Variants in ATP2A2 observed in about 807,000 individuals in gnomAD.
ATP2A2 encodes ATPase sarcoplasmic/endoplasmic reticulum Ca2+ transporting 2.
Under a neutral mutation model 109.3 loss-of-function variants are expected in ATP2A2, and 14 were observed. That is an observed-to-expected ratio of 0.13 (90% CI 0.08 to 0.20). The LOEUF (loss-of-function observed/expected upper bound fraction) is 0.20, where lower values mean the gene tolerates loss of function less well. Among genes scored for constraint, ATP2A2 ranks in the 10% least tolerant of loss-of-function variants. The probability of loss-of-function intolerance (pLI) is 1.00; values close to 1 mark genes in which losing one functional copy is unlikely to be tolerated. For synonymous variants in ATP2A2, 506 were observed against 490.9 expected (o/e 1.03, Z -0.41); for missense variants, 657 against 1,321.6 (o/e 0.50, Z 7.80).
At chr12:110,336,292 A>G (rs1878837632) in intron 11 of ATP2A2, among the ~76,000 whole-genome samples, 1 of 152,170 alleles carries the variant, frequency 6.6e-6, no homozygotes, top group Non-Finnish European at 1.5e-5. Context: ...CTGGGGGAGG[A>G]GAGAGGTAAA....
At chr12:110,298,545 C>G (rs1169570136) in intron 5 of ATP2A2, among the ~76,000 whole-genome samples, 1 of 152,126 alleles carries the variant, frequency 6.6e-6, no homozygotes, top group African/African-American at 2.4e-5. Flanking sequence ...TGGTGAAACC[C>G]TGTCTCTACT....
At chr12:110,341,097 AT>A in intron 14 of ATP2A2, 103 bp downstream of exon 14, 1 of 1,219,328 alleles carries the variant, frequency 8.2e-7, no homozygotes, top group Non-Finnish European at 1.2e-6. Flanking sequence ...CTAATTTGGA[AT>A]TTGTCATGAT....
chr12:110,341,071 T>C (rs1326863986), intron 14 of ATP2A2, 77 bp downstream of exon 14: 1 of 1,503,360 alleles, frequency 6.7e-7, no homozygotes, highest in Non-Finnish European at 9.1e-7. Context: ...CCACTGAATT[T>C]TTTTGTCATA....
chr12:110,327,773 A>G lies in ATP2A2; in HGVS notation c.851A>G (p.His284Arg), dbSNP rs1877949742. 3 of 1,614,154 alleles carry G rather than the reference A, an allele frequency of 1.9e-6. No individual in the cohort carries two copies. Among genetic ancestry groups the G allele is most frequent in the South Asian group, 1.1e-5 (1 of 91,080 alleles). The change falls in exon 8 of 20, where the codon CAT becomes CGT. Residue 284 changes from histidine to arginine, a missense_variant. This residue lies in a region of ATP2A2 where 136 missense variants were observed against 343.9 expected (regional missense o/e 0.40). Coordinates refer to ENST00000539276, the MANE Select transcript of ATP2A2 (RefSeq NM_170665.4). The surrounding 1 kb of genome is among the most constrained non-coding windows in gnomAD (Gnocchi z 4.4). ...ATTGGGCACTTCAATGACCCGGTTC[A>G]TGGAGGGTCCTGGATCAGAGGTGCT... ...INIGHFNDPV[H>R]GGSWIRGAIY...
chr12:110,346,734 A>G lies in ATP2A2; in HGVS notation c.*264A>G. 7.5e-7 allele frequency: 1 copy of G among 1,333,588 alleles called. No individual in the cohort carries two copies. The highest frequency in any genetic ancestry group is 9.6e-7 in the Non-Finnish European group (1 of 1,038,772). The allele number at this position is 1,333,588 out of a possible 1,614,324, so 82.6% of individuals were successfully genotyped here. A position where few individuals can be genotyped will look rare whatever the true frequency, so the allele number is the denominator to read the frequency against. On this transcript the variant is annotated 3_prime_UTR_variant, in exon 20 of 20. Coordinates refer to ENST00000539276, the MANE Select transcript of ATP2A2 (RefSeq NM_170665.4). ...TTTTTTTGTAGATGAAAAAGCATGTACAGTGTTCTGTTTAATACTCATCCT... is the reference window on the plus strand; with the variant it reads ...TTTTTTTGTAGATGAAAAAGCATGTGCAGTGTTCTGTTTAATACTCATCCT...
At chr12:110,344,853 C>A (rs1023055289) in intron 16 of ATP2A2, 33 bp from the exon 17 acceptor site, 1 of 1,609,912 alleles carries the variant, frequency 6.2e-7, no homozygotes, top group Admixed American at 1.7e-5. Context: ...CCTGCAGAGG[C>A]AAGTGCATCA....
At chr12:110,309,413 C>T (rs1875759086) in intron 5 of ATP2A2, among the ~76,000 whole-genome samples, 1 of 151,892 alleles carries the variant, frequency 6.6e-6, no homozygotes, top group Admixed American at 6.6e-5. Flanking sequence ...CCGCCTCAGC[C>T]TCCCAAAGTG....
Position 110,349,867 on chromosome 12 carries a change from G to A in ATP2A2, c.*3397G>A. 9.5e-7 allele frequency: 1 copy of A among 1,054,638 alleles called. No individual in the cohort carries two copies. Among genetic ancestry groups the A allele is most frequent in the South Asian group, 3.4e-5 (1 of 29,236 alleles). The allele number at this position is 1,054,638 out of a possible 1,614,324, so 65.3% of individuals were successfully genotyped here. On this transcript the variant is annotated 3_prime_UTR_variant, in exon 20 of 20. Coordinates refer to ENST00000539276, the MANE Select transcript of ATP2A2 (RefSeq NM_170665.4). ...TCCTCTCCAGGGCTAGGCAAGGCAG[G>A]CGAGCAGCCAGAAGCCGGGTGCCCA... is the stretch of plus-strand genomic sequence containing the variant.
rs772775565 is a variant in ATP2A2, at chr12:110,350,241, G to A, written c.*3771G>A. ...CATCTATTTAAATAGGTATTCTAAC[G>A]TTTCCTCTCTGTATTTCATGAAGCT... On this transcript the variant is annotated 3_prime_UTR_variant, in exon 20 of 20. Coordinates refer to ENST00000539276, the MANE Select transcript of ATP2A2 (RefSeq NM_170665.4). 35 of 1,613,942 alleles carry A rather than the reference G, an allele frequency of 2.2e-5. No individual in the cohort carries two copies. The highest frequency in any genetic ancestry group is 1.6e-4 in the Middle Eastern group (1 of 6,082).
chr12:110,327,711 C>A lies in ATP2A2; in HGVS notation c.789C>A (p.Val263=). ...AATTTGGGGAACAGCTTTCCAAAGTCATCTCCCTTATTTGCATTGCAGTCT... is the reference window on the plus strand; with the variant it reads ...AATTTGGGGAACAGCTTTCCAAAGTAATCTCCCTTATTTGCATTGCAGTCT... ...LDEFGEQLSK[V]ISLICIAVWI... Residue 263 remains valine (V), a synonymous_variant, in exon 8 of 20, where the codon GTC becomes GTA. Coordinates refer to ENST00000539276, the MANE Select transcript of ATP2A2 (RefSeq NM_170665.4). This position sits in a 1 kb window ranked among gnomAD's most constrained non-coding sequence, Gnocchi z 4.4. The A allele has an allele frequency of 6.2e-7, 1 of 1,614,178 alleles. No homozygotes were observed. The highest frequency in any genetic ancestry group is 1.1e-5 in the South Asian group (1 of 91,078).
chr12:110,305,090 C>T (rs1281827632), intron 5 of ATP2A2, among the ~76,000 whole-genome samples: 1 of 152,120 alleles, frequency 6.6e-6, no homozygotes, highest in East Asian at 1.9e-4. Context: ...CACACCACCA[C>T]ACTCAGCTAA....
At chr12:110,282,889 A>G (rs1481473896) in intron 3 of ATP2A2, 94 bp downstream of exon 3, 3 of 1,111,422 alleles carry the variant, frequency 2.7e-6, no homozygotes, top group Non-Finnish European at 2.7e-6. Context: ...GGGTGAAAAC[A>G]TATTTGGAGT....
rs201303666 is a variant in ATP2A2, at chr12:110,303,402, T to TTTTG, written c.463+6689_463+6692dup. Among the ~76,000 whole-genome samples the TTTTG allele has an allele frequency of 8.3e-3, 1,254 of 151,722 alleles. 3 individuals are homozygous for TTTTG. The highest frequency in any genetic ancestry group is 0.011 in the Non-Finnish European group (735 of 67,886). On this transcript the variant is annotated intron_variant, in intron 5 of 19. Coordinates refer to ENST00000539276, the MANE Select transcript of ATP2A2 (RefSeq NM_170665.4). ...GCCATTATGCCTGGCTTGCTTGCTTTTTTGTTTGTTTGTTTGTTTGTTTGT... is the reference window on the plus strand; with the variant it reads ...GCCATTATGCCTGGCTTGCTTGCTTTTTTGTTTGTTTGTTTGTTTGTTTGTTTGT...
At chr12:110,344,847 C>T (rs747018478) in intron 16 of ATP2A2, 39 bp from the exon 17 acceptor site, 7 of 1,605,178 alleles carry the variant, frequency 4.4e-6, no homozygotes, top group East Asian at 2.2e-5. Context: ...GCGAGCCCTG[C>T]AGAGGCAAGT....
chr12:110,315,286 C>CT (rs1227389079), intron 5 of ATP2A2, among the ~76,000 whole-genome samples: 1 of 152,236 alleles, frequency 6.6e-6, no homozygotes, highest in Non-Finnish European at 1.5e-5. Context: ...CTGGAGTACT[C>CT]TAACATTGCT....
At position 110,345,118 on chromosome 12, in the gene ATP2A2, C is replaced by T. The variant is rs1397836984; in HGVS notation, c.2608-131C>T. 3.3e-6 allele frequency: 5 copies of T among 1,521,244 alleles called. No homozygotes were observed. In the African/African-American group the frequency reaches 6.9e-5, roughly 21 times the overall value. 94.2% of individuals were successfully genotyped at this position (1,521,244 alleles called of 1,614,324 possible). On this transcript the variant is annotated intron_variant, in intron 17 of 19. Coordinates refer to ENST00000539276, the MANE Select transcript of ATP2A2 (RefSeq NM_170665.4). ...ATGATTCTGAAGGACCAGGGCTTCTCCGAGAAATTGGGGTAAACCTCTTGG... is the reference window on the plus strand; with the variant it reads ...ATGATTCTGAAGGACCAGGGCTTCTTCGAGAAATTGGGGTAAACCTCTTGG...
intron 1 of ATP2A2, among the ~76,000 whole-genome samples, chr12:110,282,393 A>G (rs1872221460): frequency 6.6e-6 from 1 of 152,224 alleles, no homozygotes; most frequent in East Asian, 1.9e-4. Context: ...GCCATTGATT[A>G]CAAAGAGTGC....
rs755918719 is a variant in ATP2A2, at chr12:110,332,166, C to G, written c.1096-431C>G. The G allele has an allele frequency of 3.0e-4, 61 of 200,782 alleles. No individual in the cohort carries two copies. The Middle Eastern group carries it at 6.5e-3, about 21-fold the overall frequency. 12.4% of individuals were successfully genotyped at this position (200,782 alleles called of 1,614,324 possible). On this transcript the variant is annotated intron_variant, in intron 8 of 19. Transcript: ENST00000539276. The stretch of plus-strand genomic sequence containing the variant: ...TCTTCCCAAGCTTTTGTGCTTAGCT[C>G]TAAGGCAGGACTACCTAATACCACT...
At position 110,348,268 on chromosome 12, in the gene ATP2A2, C is replaced by T. The variant is rs1037389120; in HGVS notation, c.*1798C>T. ...AATAGGCCACTTCCCCACTCCCCCACCCCCCCTTGCTTGGTCTTGTCCTTG... is the reference window on the plus strand; with the variant it reads ...AATAGGCCACTTCCCCACTCCCCCATCCCCCCTTGCTTGGTCTTGTCCTTG... On this transcript the variant is annotated 3_prime_UTR_variant, in exon 20 of 20. Coordinates refer to ENST00000539276, the MANE Select transcript of ATP2A2 (RefSeq NM_170665.4). 15 of 984,784 alleles carry T rather than the reference C, an allele frequency of 1.5e-5. No individual in the cohort carries two copies. The Admixed American group carries it at 2.5e-4, about 16-fold the overall frequency. 61.0% of individuals were successfully genotyped at this position (984,784 alleles called of 1,614,324 possible). A position where few individuals can be genotyped will look rare whatever the true frequency, so the allele number is the denominator to read the frequency against.
Sources: gnomAD v4.1 joint callset for allele counts (sites outside exome capture counted in the v4.1 genomes callset) on GRCh38, gnomAD v4.1.1 for gene constraint, gnomAD v4.1.1 regional missense constraint, Gnocchi (gnomAD v3.1) non-coding constraint, MANE v1.5 for transcripts, NCBI Gene and HGNC (gene_info 2026-07-23, HGNC 2026-07-21) for gene names.